SAMD4A: variants seen among roughly 807,000 people sequenced by gnomAD.
SAMD4A encodes the protein sterile alpha motif domain containing 4A, also known as protein Smaug homolog 1.
A neutral mutation model predicts 81.3 loss-of-function variants in SAMD4A; 33 were observed. That is an observed-to-expected ratio of 0.41 (90% CI 0.31 to 0.54). The LOEUF (loss-of-function observed/expected upper bound fraction) is 0.54. Among genes scored for constraint, SAMD4A ranks in the 20% least tolerant of loss-of-function variants. The probability of loss-of-function intolerance (pLI) is 0.37; values close to 1 mark genes in which losing one functional copy is unlikely to be tolerated. For missense variants in SAMD4A, 854 were observed against 951.1 expected, an observed-to-expected ratio of 0.90 and a Z score of 1.34; for synonymous variants, 389 against 382.1, an observed-to-expected ratio of 1.02 and a Z score of -0.21.
intron 2 of SAMD4A, among the ~76,000 whole-genome samples, chr14:54,614,685 GTTTTGCCCTT>G (rs946739849): frequency 1.7e-4 from 26 of 152,240 alleles, no homozygotes; most frequent in African/African-American, 6.3e-4. Flanking sequence ...AAAGCAAGTG[GTTTTGCCCTT>G]TTTTGCCTCA....
chr14:54,609,756 G>C (rs578174572), intron 2 of SAMD4A, among the ~76,000 whole-genome samples: 4 of 152,124 alleles, frequency 2.6e-5, no homozygotes, highest in African/African-American at 7.2e-5. Context: ...CTTGACTGTC[G>C]AAAAAAGTAA....
chr14:54,621,239 C>A (rs2034608008), intron 2 of SAMD4A, among the ~76,000 whole-genome samples: 2 of 152,334 alleles, frequency 1.3e-5, no homozygotes, highest in Non-Finnish European at 2.9e-5. Flanking sequence ...GAGTAGTCTT[C>A]CCTCACTGGC....
intron 2 of SAMD4A, among the ~76,000 whole-genome samples, chr14:54,652,225 A>G (rs1330836983): frequency 6.6e-6 from 1 of 152,246 alleles, no homozygotes; most frequent in Non-Finnish European, 1.5e-5. Flanking sequence ...TTTCCTGGCC[A>G]TATAGTAAAA....
At chr14:54,599,509 A>G (rs2033999598) in intron 2 of SAMD4A, among the ~76,000 whole-genome samples, 1 of 152,178 alleles carries the variant, frequency 6.6e-6, no homozygotes, top group Non-Finnish European at 1.5e-5. Context: ...TACTGCTTCA[A>G]TTGCATCAAA....
chr14:54,774,775 C>T (rs2038793989), intron 9 of SAMD4A, among the ~76,000 whole-genome samples, 159 bp from the exon 10 acceptor site: 2 of 142,846 alleles, frequency 1.4e-5, no homozygotes, highest in African/African-American at 5.2e-5. Flanking sequence ...GATCTCACTA[C>T]TGCACTCCAA....
chr14:54,736,317 C>A (rs2037689514), intron 3 of SAMD4A, among the ~76,000 whole-genome samples: 1 of 152,178 alleles, frequency 6.6e-6, no homozygotes, highest in Non-Finnish European at 1.5e-5. Context: ...AGCCTTGTTA[C>A]CTGGAAGTGT....
intron 2 of SAMD4A, among the ~76,000 whole-genome samples, chr14:54,616,828 C>T (rs148289840): frequency 4.5e-4 from 68 of 152,172 alleles, no homozygotes; most frequent in African/African-American, 1.6e-3. Context: ...TAGCAATGTA[C>T]GTAACAGGAA....
chr14:54,721,368 T>C (rs964537999), intron 3 of SAMD4A, among the ~76,000 whole-genome samples: 1 of 152,230 alleles, frequency 6.6e-6, no homozygotes, highest in Admixed American at 6.5e-5. Context: ...TCCACAATTA[T>C]TTCAATTTTG....
intron 4 of SAMD4A, among the ~76,000 whole-genome samples, chr14:54,742,228 T>C (rs910483910): frequency 1.3e-5 from 2 of 152,006 alleles, no homozygotes; most frequent in African/African-American, 2.4e-5. Flanking sequence ...ACCAATTGAA[T>C]AGACAGTGAT....
chr14:54,591,146 A>G (rs572320603), intron 2 of SAMD4A, among the ~76,000 whole-genome samples: 3 of 152,294 alleles, frequency 2.0e-5, no homozygotes, highest in East Asian at 3.9e-4. Context: ...CGTGCGATAC[A>G]TGAGATAGTT....
At chr14:54,706,598 C>G (rs2036863657) in intron 3 of SAMD4A, among the ~76,000 whole-genome samples, 1 of 129,798 alleles carries the variant, frequency 7.7e-6, no homozygotes. Flanking sequence ...GAGCAAGACT[C>G]TGTCTCAAAA....
At chr14:54,712,501 A>G (rs901350074) in intron 3 of SAMD4A, among the ~76,000 whole-genome samples, 2 of 152,266 alleles carry the variant, frequency 1.3e-5, no homozygotes, top group Middle Eastern at 3.4e-3. Context: ...TTCCTAATAC[A>G]TACTACATTG....
intron 2 of SAMD4A, among the ~76,000 whole-genome samples, chr14:54,688,924 C>T (rs1439178562): frequency 2.1e-5 from 2 of 93,636 alleles, no homozygotes; most frequent in African/African-American, 7.3e-5. Context: ...TCCCAGAAGT[C>T]GTAATTCTTT....
At chr14:54,606,614 A>G (rs1002584184) in intron 2 of SAMD4A, among the ~76,000 whole-genome samples, 1 of 152,188 alleles carries the variant, frequency 6.6e-6, no homozygotes, top group Non-Finnish European at 1.5e-5. Flanking sequence ...AGGTCTCACC[A>G]TGTTCATTCA....
At chr14:54,739,055 CTT>C (rs3051648) in intron 4 of SAMD4A, among the ~76,000 whole-genome samples, 2 of 97,342 alleles carry the variant, frequency 2.1e-5, no homozygotes, top group Admixed American at 1.3e-4. Context: ...CTTTCCTTTT[CTT>C]TTTTTTTTTT....
At chr14:54,672,611 T>C (rs769450281) in intron 2 of SAMD4A, among the ~76,000 whole-genome samples, 5 of 152,200 alleles carry the variant, frequency 3.3e-5, no homozygotes, top group African/African-American at 4.8e-5. Context: ...TGCATAAAGG[T>C]TATCATGAAT....
At chr14:54,721,396 C>G (rs974534195) in intron 3 of SAMD4A, among the ~76,000 whole-genome samples, 1 of 152,166 alleles carries the variant, frequency 6.6e-6, no homozygotes, top group Non-Finnish European at 1.5e-5. Flanking sequence ...GATAATGAAA[C>G]CAAACTTTAT....
chr14:54,683,749 C>T (rs771244290), intron 2 of SAMD4A, among the ~76,000 whole-genome samples: 5 of 152,160 alleles, frequency 3.3e-5, no homozygotes, highest in Non-Finnish European at 7.4e-5. Context: ...CTTTTTCAAG[C>T]CAGGTGATGA....
At chr14:54,605,163 C>T (rs2034165120) in intron 2 of SAMD4A, among the ~76,000 whole-genome samples, 1 of 152,008 alleles carries the variant, frequency 6.6e-6, no homozygotes, top group Non-Finnish European at 1.5e-5. Flanking sequence ...ACAATTACAG[C>T]GGGGGTAGCT....
Sources: allele counts gnomAD v4.1 joint callset (sites outside exome capture counted in the v4.1 genomes callset), GRCh38; gene constraint gnomAD v4.1.1; transcripts MANE v1.5; gene names NCBI Gene and HGNC (gene_info 2026-07-23, HGNC 2026-07-21).